PIK3CD: variants seen among roughly 807,000 people sequenced by gnomAD.
The protein encoded by PIK3CD is phosphatidylinositol 4,5-bisphosphate 3-kinase catalytic subunit delta isoform.
A neutral mutation model predicts 122.9 loss-of-function variants in PIK3CD; 20 were observed. The ratio of observed to expected loss-of-function variants is 0.16; its 90% CI spans 0.11 to 0.24. The LOEUF is 0.24. Among genes scored for constraint, PIK3CD ranks in the 10% least tolerant of loss-of-function variants. PIK3CD has a pLI of 1.00. For synonymous variants in PIK3CD, 596 were observed against 593.4 expected (o/e 1.00, Z -0.06); for missense variants, 787 against 1,406.3 (o/e 0.56, Z 7.04).
At chr1:9,695,058 C>T (rs566919569) in intron 2 of PIK3CD, among the ~76,000 whole-genome samples, 6 of 151,858 alleles carry the variant, frequency 4.0e-5, no homozygotes, top group Non-Finnish European at 7.4e-5. Flanking sequence ...TGAGAAGTCA[C>T]AAACAGGGTC....
chr1:9,679,720 C>T (rs547676698), intron 1 of PIK3CD, among the ~76,000 whole-genome samples: 2 of 152,282 alleles, frequency 1.3e-5, no homozygotes, highest in East Asian at 3.9e-4. Flanking sequence ...TCTTCTTCCT[C>T]GTCATGTTTT....
the PIK3CD span, among the ~76,000 whole-genome samples, chr1:9,642,947 G>A: frequency 6.6e-6 from 1 of 151,180 alleles, no homozygotes; most frequent in Non-Finnish European, 1.5e-5. Context: ...AATTAGCCGG[G>A]TGTGGTGGCA....
chr1:9,674,692 C>CAAA (rs35463378), intron 1 of PIK3CD, among the ~76,000 whole-genome samples: 1,604 of 58,180 alleles, frequency 0.028, 50 homozygotes, highest in African/African-American at 0.086. Context: ...GACTCCGTCT[C>CAAA]AAAAAAAAAA....
chr1:9,669,420 A>G (rs1645256794), intron 1 of PIK3CD, among the ~76,000 whole-genome samples: 1 of 152,206 alleles, frequency 6.6e-6, no homozygotes, highest in Non-Finnish European at 1.5e-5. Flanking sequence ...AACAGTCTCA[A>G]GAGGTCCTGA....
chr1:9,660,294 G>A (rs953420472), intron 1 of PIK3CD, among the ~76,000 whole-genome samples: 2 of 152,214 alleles, frequency 1.3e-5, no homozygotes, highest in African/African-American at 2.4e-5. Context: ...ATGCTGCGTT[G>A]TGAACATGGG....
intron 1 of PIK3CD, among the ~76,000 whole-genome samples, chr1:9,677,933 C>T (rs1645599598): frequency 6.6e-6 from 1 of 151,762 alleles, no homozygotes; most frequent in Admixed American, 6.6e-5. Flanking sequence ...AGGCAGATCA[C>T]CTGAGGTCAG....
At position 9,716,970 on chromosome 1, in the gene PIK3CD, C is replaced by T; in HGVS notation, c.792C>T (p.Ser264=). Residue 264 remains serine (S), a synonymous_variant, in exon 7 of 24, where the codon AGC becomes AGT. Coordinates refer to ENST00000377346, the MANE Select transcript of PIK3CD (RefSeq NM_005026.5). ...YPLCQFQYIC[S]CLHSGLTPHL... is the part of the protein sequence containing the mutation. ...GCACCCCGTCTCAGTACATCTGCAG[C>T]TGCCTGCACAGTGGGTTGACCCCTC... is the stretch of plus-strand genomic sequence containing the variant. 1 of 1,613,864 alleles carries T rather than the reference C, an allele frequency of 6.2e-7. No individual in the cohort carries two copies. The highest frequency in any genetic ancestry group is 8.5e-7 in the Non-Finnish European group (1 of 1,180,030).
At position 9,689,483 on chromosome 1, in the gene PIK3CD, C is replaced by T. The variant is rs893760707; in HGVS notation, c.-137-1984C>T. Among the ~76,000 whole-genome samples, 14 of 147,422 alleles carry T rather than the reference C, an allele frequency of 9.5e-5. No individual in the cohort carries two copies. The highest frequency in any genetic ancestry group is 2.1e-4 in the South Asian group (1 of 4,796). ...GCCCCGCCCCAGCCCCGAGGACGCC[C>T]CGCCCCCAGCCGGCGCCCCGCCCCG... On this transcript the variant is annotated intron_variant, in intron 1 of 23. Coordinates refer to ENST00000377346, the MANE Select transcript of PIK3CD (RefSeq NM_005026.5). The surrounding 1 kb of genome is among the most constrained non-coding windows in gnomAD (Gnocchi z 6.1).
At chr1:9,630,839 G>C in the PIK3CD span, among the ~76,000 whole-genome samples, 1 of 152,036 alleles carries the variant, frequency 6.6e-6, no homozygotes, top group Non-Finnish European at 1.5e-5. Flanking sequence ...GGATGTTCTG[G>C]AGCTACAAGT....
At chr1:9,703,568 T>G (rs1275014524) in intron 2 of PIK3CD, among the ~76,000 whole-genome samples, 2 of 152,260 alleles carry the variant, frequency 1.3e-5, no homozygotes, top group African/African-American at 4.8e-5. Context: ...TTATTAATTC[T>G]GCCTGTGTTT....
intron 2 of PIK3CD, among the ~76,000 whole-genome samples, chr1:9,708,566 C>T (rs1487336068): frequency 6.6e-6 from 1 of 152,018 alleles, no homozygotes; most frequent in Non-Finnish European, 1.5e-5. Flanking sequence ...CATGCATGGA[C>T]GTCGGGCCCA....
rs373232971 is a variant in PIK3CD, at chr1:9,720,599, C to T, written c.1471-12C>T. 13 of 1,441,268 alleles carry T rather than the reference C, an allele frequency of 9.0e-6. No individual in the cohort carries two copies. Among genetic ancestry groups the T allele is most frequent in the African/African-American group, 5.9e-5 (4 of 67,258 alleles). 89.3% of individuals were successfully genotyped at this position (1,441,268 alleles called of 1,614,324 possible). On this transcript the variant is annotated splice_polypyrimidine_tract_variant and intron_variant, in intron 11 of 23. Transcript: ENST00000377346. The surrounding 1 kb of genome is among the most constrained non-coding windows in gnomAD (Gnocchi z 9.0). Reference sequence around the variant, plus strand: ...GGCCCCTGGGGACGCTGAGTGCAGCCGTTTGTTGCAGATCTTGGAGCTGGG... The same window carrying T: ...GGCCCCTGGGGACGCTGAGTGCAGCTGTTTGTTGCAGATCTTGGAGCTGGG...
chr1:9,720,779 C>T lies in PIK3CD; in HGVS notation c.1559C>T (p.Ser520Phe). 6.2e-7 allele frequency: 1 copy of T among 1,612,632 alleles called. No homozygotes were observed. Among genetic ancestry groups the T allele is most frequent in the Admixed American group, 1.7e-5 (1 of 59,916 alleles). Reference sequence around the variant, plus strand: ...CGGGAAATCCTGGAGCGGCGGGGGTCTGGGGAGCTGTATGAGCACGAGAAG... The same window carrying T: ...CGGGAAATCCTGGAGCGGCGGGGGTTTGGGGAGCTGTATGAGCACGAGAAG... ...QLREILERRG[S>F]GELYEHEKDL... Residue 520 changes from serine to phenylalanine, a missense_variant, in exon 13 of 24, where the codon TCT (serine) becomes TTT (phenylalanine). Physicochemically the swap from Ser to Phe is radical, Grantham distance 155 (BLOSUM62 -2). Transcript: ENST00000377346. This position sits in a 1 kb window ranked among gnomAD's most constrained non-coding sequence, Gnocchi z 9.0.
intron 2 of PIK3CD, among the ~76,000 whole-genome samples, chr1:9,699,645 G>A (rs372285169): frequency 1.3e-5 from 2 of 151,358 alleles, no homozygotes; most frequent in East Asian, 1.9e-4. Flanking sequence ...TGTCCAGGCC[G>A]AAGTGCAATG....
Position 9,690,798 on chromosome 1 carries a change from C to T in PIK3CD, c.-137-669C>T, listed in dbSNP as rs78156910. Among the ~76,000 whole-genome samples the T allele has an allele frequency of 3.8e-3, 585 of 152,314 alleles. 6 individuals carry two copies. Among genetic ancestry groups the T allele is most frequent in the African/African-American group, 0.014 (566 of 41,560 alleles). ...GCTAAATCGAAGCCCACCTAGTGGG[C>T]TCTGGGCCGAAGGCTCCCAGCTGTG... is the stretch of plus-strand genomic sequence containing the variant. On this transcript the variant is annotated intron_variant, in intron 1 of 23. Transcript: ENST00000377346.
the PIK3CD span, among the ~76,000 whole-genome samples, chr1:9,634,677 A>G: frequency 6.6e-6 from 1 of 152,208 alleles, no homozygotes; most frequent in African/African-American, 2.4e-5. Flanking sequence ...AACACAAAAC[A>G]AGAACTGCCA....
chr1:9,644,524 TA>T, the PIK3CD span, among the ~76,000 whole-genome samples: 1 of 147,048 alleles, frequency 6.8e-6, no homozygotes, highest in South Asian at 2.3e-4. Context: ...CTCAAATAAA[TA>T]AATAAATAAA....
At chr1:9,651,087 C>T (rs769752206), upstream of PIK3CD, among the ~76,000 whole-genome samples, 13 of 152,192 alleles carry the variant, frequency 8.5e-5, no homozygotes, top group Non-Finnish European at 1.9e-4. Flanking sequence ...TCAAGTGATC[C>T]TCCCGCCTCG....
chr1:9,718,083 C>T lies in PIK3CD; in HGVS notation c.1020+457C>T. The T allele has an allele frequency of 2.1e-6, 1 of 468,544 alleles. No individual in the cohort carries two copies. The highest frequency in any genetic ancestry group is 1.5e-5 in the South Asian group (1 of 64,658). The allele number at this position is 468,544 out of a possible 1,614,324, so 29.0% of individuals were successfully genotyped here. A position where few individuals can be genotyped will look rare whatever the true frequency, so the allele number is the denominator to read the frequency against. On this transcript the variant is annotated intron_variant, in intron 8 of 23. Coordinates refer to ENST00000377346, the MANE Select transcript of PIK3CD (RefSeq NM_005026.5). This position sits in a 1 kb window ranked among gnomAD's most constrained non-coding sequence, Gnocchi z 7.2. Reference sequence around the variant, plus strand: ...TCCCTGTTGTCTCTTAACACTTTCACACGCTCCATCGCAACAGCCTGCAGT... The same window carrying T: ...TCCCTGTTGTCTCTTAACACTTTCATACGCTCCATCGCAACAGCCTGCAGT...
Sources: gnomAD v4.1 joint callset for allele counts (sites outside exome capture counted in the v4.1 genomes callset) on GRCh38, gnomAD v4.1.1 for gene constraint, Gnocchi (gnomAD v3.1) non-coding constraint, MANE v1.5 for transcripts, NCBI Gene and HGNC (gene_info 2026-07-23, HGNC 2026-07-21) for gene names.